Variants in NALF1 observed in about 807,000 individuals in gnomAD.
NALF1 encodes NALCN channel auxiliary factor 1, also known as family with sequence similarity 155 member A.
In NALF1, 3 loss-of-function variants were observed where a neutral mutation model predicts 48.4. The observed-to-expected ratio is 0.06, with a 90% CI of 0.03 to 0.16. The LOEUF is 0.16. Among genes scored for constraint, NALF1 ranks in the 10% least tolerant of loss-of-function variants. The pLI, the probability that NALF1 is intolerant of heterozygous loss-of-function variation, is 1.00. For synonymous variants in NALF1, 262 were observed against 245.7 expected, an observed-to-expected ratio of 1.07 and a Z score of -0.62; for missense variants, 526 against 571.5, an observed-to-expected ratio of 0.92 and a Z score of 0.81.
chr13:107,435,726 T>C (rs1884453261), intron 1 of NALF1, among the ~76,000 whole-genome samples: 1 of 151,834 alleles, frequency 6.6e-6, no homozygotes, highest in Non-Finnish European at 1.5e-5. Context: ...TGTGGGAACT[T>C]TTGATAAGTA....
At chr13:107,401,529 G>A (rs374710331) in intron 1 of NALF1, among the ~76,000 whole-genome samples, 60 of 152,224 alleles carry the variant, frequency 3.9e-4, no homozygotes, top group African/African-American at 1.4e-3. Context: ...AAATACTGGA[G>A]ATAAATTAAA....
rs1404626613 is a variant in NALF1, at chr13:107,163,974, T to C, written c.*6523A>G. The C allele has an allele frequency of 6.6e-6, 1 of 152,224 alleles. No homozygotes were observed. Among genetic ancestry groups the C allele is most frequent in the Non-Finnish European group, 1.5e-5 (1 of 68,028 alleles). 9.4% of individuals were successfully genotyped at this position (152,224 alleles called of 1,614,324 possible). A position where few individuals can be genotyped will look rare whatever the true frequency, so the allele number is the denominator to read the frequency against. On this transcript the variant is annotated 3_prime_UTR_variant, in exon 3 of 3. Transcript: ENST00000375915. ...CTTTTGCTGTAGTTTATATTTCCTA[T>C]TGTTTTATCCATTTTGCAGTGAAAT...
intron 1 of NALF1, among the ~76,000 whole-genome samples, chr13:107,380,062 T>C (rs1175735370): frequency 6.6e-6 from 1 of 152,218 alleles, no homozygotes; most frequent in East Asian, 1.9e-4. Context: ...CTTAATGGGC[T>C]GATATGGCTC....
At chr13:107,794,839 T>G (rs1485531935) in intron 1 of NALF1, among the ~76,000 whole-genome samples, 1 of 152,162 alleles carries the variant, frequency 6.6e-6, no homozygotes, top group African/African-American at 2.4e-5. Flanking sequence ...TAGTCATGTC[T>G]AAAGCTATGT....
intron 1 of NALF1, among the ~76,000 whole-genome samples, chr13:107,516,503 C>T (rs1876057737): frequency 6.6e-6 from 1 of 152,134 alleles, no homozygotes; most frequent in Admixed American, 6.5e-5. Context: ...AAATGTTTTT[C>T]AGCTTTATTA....
rs543017705 is a variant in NALF1, at chr13:107,636,366, G to C, written c.915+229316C>G. On this transcript the variant is annotated intron_variant, in intron 1 of 2. Coordinates refer to ENST00000375915, the MANE Select transcript of NALF1 (RefSeq NM_001080396.3). The stretch of plus-strand genomic sequence containing the variant: ...AAACAAACACAAATCGTTTGGAATT[G>C]TCTGGTACCAATACTATAGAACTCA... 3.3e-5 allele frequency among the ~76,000 whole-genome samples: 5 copies of C among 152,232 alleles called. No homozygotes were observed. In the East Asian group the frequency reaches 9.7e-4, roughly 29 times the overall value.
chr13:107,674,165 A>T (rs545239534), intron 1 of NALF1, among the ~76,000 whole-genome samples: 1 of 152,254 alleles, frequency 6.6e-6, no homozygotes, highest in East Asian at 1.9e-4. Flanking sequence ...TTAAAAAAAA[A>T]AAAAAGTCTA....
In NALF1 at chr13:107,249,881, C is replaced by T. The variant is rs534374579; in HGVS notation, c.916-39126G>A. On this transcript the variant is annotated intron_variant, in intron 1 of 2. Transcript: ENST00000375915. Reference sequence around the variant, plus strand: ...TCACTTTGTAAAAACATGCACCAGGCTTTAAGGGACACGCAGTCAATTAGT... The same window carrying T: ...TCACTTTGTAAAAACATGCACCAGGTTTTAAGGGACACGCAGTCAATTAGT... Among the ~76,000 whole-genome samples the T allele has an allele frequency of 1.4e-4, 21 of 152,196 alleles. No homozygotes were observed. In the East Asian group the frequency reaches 4.1e-3, roughly 29 times the overall value.
At chr13:107,764,153 A>G (rs1877356264) in intron 1 of NALF1, among the ~76,000 whole-genome samples, 1 of 152,198 alleles carries the variant, frequency 6.6e-6, no homozygotes, top group Non-Finnish European at 1.5e-5. Flanking sequence ...GAGGAAATAA[A>G]AAGGCAACAT....
intron 1 of NALF1, among the ~76,000 whole-genome samples, chr13:107,346,913 G>C (rs970964067): frequency 3.9e-5 from 6 of 151,900 alleles, no homozygotes; most frequent in Admixed American, 3.3e-4. Flanking sequence ...TCTTCCATCT[G>C]GAAAATTGGG....
intron 1 of NALF1, among the ~76,000 whole-genome samples, chr13:107,519,364 GAA>G (rs56245128): frequency 0.64 from 95,892 of 148,842 alleles, 32,969 homozygotes; most frequent in Middle Eastern, 0.8. Context: ...CCGGGAGGAG[GAA>G]AAAAAAAAAA....
At chr13:107,817,584 A>G (rs534125201) in intron 1 of NALF1, among the ~76,000 whole-genome samples, 1 of 152,308 alleles carries the variant, frequency 6.6e-6, no homozygotes, top group South Asian at 2.1e-4. Context: ...TTTCCTTTTT[A>G]GGGTAAACCA....
intron 1 of NALF1, among the ~76,000 whole-genome samples, chr13:107,335,873 A>T (rs757154116): frequency 6.6e-6 from 1 of 152,216 alleles, no homozygotes. Flanking sequence ...ATAACTTCTA[A>T]ATCTTATCTT....
intron 1 of NALF1, among the ~76,000 whole-genome samples, chr13:107,553,988 C>A (rs1034177171): frequency 1.3e-3 from 193 of 152,340 alleles, no homozygotes; most frequent in Non-Finnish European, 1.6e-4. Context: ...TTCTCACTGT[C>A]CCCGCTTACT....
rs188591560 is a variant in NALF1 at position 107,371,399 on chromosome 13, C to T, written c.916-160644G>A. ...GAAGTGGAGGCTGCAGTGACTGTGA[C>T]TGCAACACTGCACTTCAGCCTATGT... On this transcript the variant is annotated intron_variant, in intron 1 of 2. Coordinates refer to ENST00000375915, the MANE Select transcript of NALF1 (RefSeq NM_001080396.3). Among the ~76,000 whole-genome samples the T allele has an allele frequency of 6.7e-3, 1,015 of 152,142 alleles. 4 individuals carry two copies. The highest frequency in any genetic ancestry group is 0.01 in the Non-Finnish European group (707 of 68,006).
intron 1 of NALF1, among the ~76,000 whole-genome samples, chr13:107,473,953 G>A (rs187500102): frequency 3.5e-4 from 53 of 152,224 alleles, no homozygotes; most frequent in Admixed American, 3.0e-3. Context: ...TGAACAAGGA[G>A]TGTTAGGAAT....
intron 1 of NALF1, among the ~76,000 whole-genome samples, chr13:107,311,740 C>G (rs530123666): frequency 6.6e-6 from 1 of 151,962 alleles, no homozygotes; most frequent in African/African-American, 2.4e-5. Flanking sequence ...AAACAAACAA[C>G]CCCATCAACA....
chr13:107,577,372 C>T (rs1047310309), intron 1 of NALF1, among the ~76,000 whole-genome samples: 2 of 152,080 alleles, frequency 1.3e-5, no homozygotes, highest in Non-Finnish European at 2.9e-5. Context: ...GGTCAGGTGG[C>T]CACACCTAGG....
chr13:107,369,164 A>G (rs770769419), intron 1 of NALF1, among the ~76,000 whole-genome samples: 1 of 152,228 alleles, frequency 6.6e-6, no homozygotes, highest in Non-Finnish European at 1.5e-5. Flanking sequence ...TATGTATCAG[A>G]TGAACTCCAG....
Sources: gnomAD v4.1 joint callset for allele counts (sites outside exome capture counted in the v4.1 genomes callset) on GRCh38, gnomAD v4.1.1 for gene constraint, MANE v1.5 for transcripts, NCBI Gene and HGNC (gene_info 2026-07-23, HGNC 2026-07-21) for gene names.